KRT73: variants seen among roughly 807,000 people sequenced by gnomAD.
The protein encoded by KRT73 is keratin 73.
Under a neutral mutation model 47.2 loss-of-function variants are expected in KRT73, and 44 were observed. The observed-to-expected ratio is 0.93, with a 90% CI of 0.73 to 1.20. The LOEUF is 1.20. Ranked by LOEUF, KRT73 falls within the 50% of genes most tolerant of loss-of-function variation. The pLI, the probability that KRT73 is intolerant of heterozygous loss-of-function variation, is 0.00. For missense variants in KRT73, 713 were observed against 704.5 expected (o/e 1.01, Z -0.14); for synonymous variants, 285 against 291.3 (o/e 0.98, Z 0.22).
In KRT73 at chr12:52,617,148, G is replaced by A. The variant is rs988108797; in HGVS notation, c.448-768C>T. ...CCAGACAAGTTCTACCATGCTGCAC[G>A]TGCTGTCTCCCTAGATTGCCTTTTC... On this transcript the variant is annotated intron_variant, in intron 1 of 8. Transcript: ENST00000305748. Among the ~76,000 whole-genome samples, 7 of 152,184 alleles carry A rather than the reference G, an allele frequency of 4.6e-5. No individual in the cohort carries two copies. In the South Asian group the frequency reaches 6.2e-4, roughly 14 times the overall value.
Position 52,608,137 on chromosome 12 carries a change from A to G in KRT73, c.*59T>C, listed in dbSNP as rs1274444761. ...ATGAGACAGAGGAATTTCCTAGAAG[A>G]GTCCGGAGCAGTCTGCCAGGGCAAG... On this transcript the variant is annotated 3_prime_UTR_variant, in exon 9 of 9. Transcript: ENST00000305748. The G allele has an allele frequency of 5.9e-6, 9 of 1,524,272 alleles. No homozygotes were observed. Among genetic ancestry groups the G allele is most frequent in the Non-Finnish European group, 7.1e-6 (8 of 1,129,618 alleles). The allele number at this position is 1,524,272 out of a possible 1,614,324, so 94.4% of individuals were successfully genotyped here.
At chr12:52,619,428 A>C (rs1031704045), upstream of KRT73, among the ~76,000 whole-genome samples, 1 of 152,196 alleles carries the variant, frequency 6.6e-6, no homozygotes, top group Non-Finnish European at 1.5e-5. Flanking sequence ...TTTAGCAAAC[A>C]TTTAGTGAGT....
chr12:52,614,294 A>G, intron 4 of KRT73: 1 of 396,508 alleles, frequency 2.5e-6, no homozygotes, highest in East Asian at 4.5e-5. Context: ...CCAGCCACAG[A>G]GAGAAGAGAA....
At chr12:52,630,287 G>T in the KRT73 span, among the ~76,000 whole-genome samples, 2 of 152,212 alleles carry the variant, frequency 1.3e-5, no homozygotes, top group Non-Finnish European at 2.9e-5. Context: ...AGTGCAGTGA[G>T]GACCCTTGCC....
Position 52,618,299 on chromosome 12 carries a change from C to G in KRT73, c.226G>C (p.Gly76Arg). The G allele has an allele frequency of 6.2e-7, 1 of 1,614,234 alleles. No individual in the cohort carries two copies. Among genetic ancestry groups the G allele is most frequent in the Non-Finnish European group, 8.5e-7 (1 of 1,180,040 alleles). Residue 76 changes from glycine to arginine, a missense_variant, in exon 1 of 9, where the codon GGC (glycine) becomes CGC (arginine). Gly to Arg is a moderately radical substitution (Grantham distance 125). Transcript: ENST00000305748. ...CTGCCAGCAAAGCCACTGGCCCGGC[C>G]CCGGCCAAATCCATAGCCTCCTGCC... ...GWAGGYGFGR[G>R]RASGFAGSMF...
chr12:52,622,431 T>C (rs1177880783), upstream of KRT73, among the ~76,000 whole-genome samples: 1 of 152,152 alleles, frequency 6.6e-6, no homozygotes. Context: ...CTCCTCCCCA[T>C]ATATGCCTAC....
rs540246156 is a variant in KRT73, at chr12:52,611,002, A to G, written c.1111-167T>C. On this transcript the variant is annotated intron_variant, in intron 6 of 8. Transcript: ENST00000305748. ...TCAACCTGAGACTGAGAGGCTTGCT[A>G]CGCTGGGCCCCACAGCTTTATGAAA... The G allele has an allele frequency of 7.4e-4, 655 of 890,356 alleles. 9 individuals are homozygous for G. In the South Asian group the frequency reaches 7.7e-3, roughly 10 times the overall value. The allele number at this position is 890,356 out of a possible 1,614,324, so 55.2% of individuals were successfully genotyped here.
Position 52,610,790 on chromosome 12 carries a change from C to T in KRT73, c.1156G>A (p.Asp386Asn), listed in dbSNP as rs761352447. 6 of 1,613,202 alleles carry T rather than the reference C, an allele frequency of 3.7e-6. No individual in the cohort carries two copies. Among genetic ancestry groups the T allele is most frequent in the African/African-American group, 2.7e-5 (2 of 74,856 alleles). The change falls in exon 7 of 9, where the codon GAC becomes AAC. Residue 386 changes from aspartate (D) to asparagine (N), a missense_variant. Coordinates refer to ENST00000305748, the MANE Select transcript of KRT73 (RefSeq NM_175068.3). Reference protein sequence around the residue: ...TAIADAEQRGDCALKDARAKL... With the variant: ...TAIADAEQRGNCALKDARAKL... ...GCCCTGGCATCCTTGAGGGCACAGTCCCCCCGCTGCTCGGCGTCAGCGATG... is the reference window on the plus strand; with the variant it reads ...GCCCTGGCATCCTTGAGGGCACAGTTCCCCCGCTGCTCGGCGTCAGCGATG...
At chr12:52,616,142 A>C (rs1256197443) in intron 2 of KRT73, 24 bp downstream of exon 2, 2 of 1,613,270 alleles carry the variant, frequency 1.2e-6, no homozygotes, top group Admixed American at 3.3e-5. Flanking sequence ...GAGGCAGACC[A>C]GCCTGGAGTG....
intron 1 of KRT73, among the ~76,000 whole-genome samples, 164 bp from the exon 2 acceptor site, chr12:52,616,544 G>T (rs1940818300): frequency 6.6e-6 from 1 of 152,134 alleles, no homozygotes; most frequent in Non-Finnish European, 1.5e-5. Context: ...CTTACCTAGG[G>T]TCCTTTATCT....
At position 52,608,520 on chromosome 12, in the gene KRT73, C is replaced by T. The variant is rs1429593818; in HGVS notation, c.1367-68G>A. 5 of 1,388,850 alleles carry T rather than the reference C, an allele frequency of 3.6e-6. No individual in the cohort carries two copies. The South Asian group carries it at 7.2e-5, about 20-fold the overall frequency. The allele number at this position is 1,388,850 out of a possible 1,614,324, so 86.0% of individuals were successfully genotyped here. The stretch of plus-strand genomic sequence containing the variant: ...ACAGAGGTGGCCTTAAGTCCCCCTC[C>T]AACCTCCCAGCCCCACTAGCTTAAA... On this transcript the variant is annotated intron_variant, in intron 8 of 8. Transcript: ENST00000305748.
chr12:52,619,747 A>G (rs1231518115), upstream of KRT73, among the ~76,000 whole-genome samples: 4 of 152,182 alleles, frequency 2.6e-5, no homozygotes, highest in African/African-American at 7.2e-5. Flanking sequence ...AGACATTTGA[A>G]TTTCATGGAT....
chr12:52,621,290 AGGG>A (rs11302494), upstream of KRT73, among the ~76,000 whole-genome samples: 23 of 105,380 alleles, frequency 2.2e-4, no homozygotes, highest in Non-Finnish European at 3.6e-4. Flanking sequence ...AGAGAAAGAA[AGGG>A]GGGGGGGGGG....
At chr12:52,626,291 A>G in the KRT73 span, among the ~76,000 whole-genome samples, 1 of 152,374 alleles carries the variant, frequency 6.6e-6, no homozygotes, top group East Asian at 1.9e-4. Context: ...GCACAAGGTC[A>G]CATAGCTAGA....
intron 1 of KRT73, among the ~76,000 whole-genome samples, chr12:52,617,022 C>T (rs1401590361): frequency 2.0e-5 from 3 of 152,170 alleles, no homozygotes; most frequent in Non-Finnish European, 4.4e-5. Context: ...CCCTCAGGGT[C>T]AAGTCCATAT....
At chr12:52,628,371 C>A in the KRT73 span, among the ~76,000 whole-genome samples, 1 of 149,348 alleles carries the variant, frequency 6.7e-6, no homozygotes, top group Middle Eastern at 3.5e-3. Context: ...CACTTTCACC[C>A]TCCCAGTCCC....
chr12:52,615,565 C>T (rs1324307216), intron 2 of KRT73, among the ~76,000 whole-genome samples: 1 of 152,150 alleles, frequency 6.6e-6, no homozygotes, highest in Non-Finnish European at 1.5e-5. Flanking sequence ...CTGATTTCCT[C>T]TGATGCCTGG....
intron 3 of KRT73, 125 bp from the exon 4 acceptor site, chr12:52,614,799 A>G: frequency 4.2e-6 from 3 of 716,980 alleles, no homozygotes; most frequent in Non-Finnish European, 6.8e-6. Context: ...AAGGGGCAGG[A>G]ACCGGCCTTC....
At chr12:52,624,410 G>C in the KRT73 span, among the ~76,000 whole-genome samples, 1 of 151,932 alleles carries the variant, frequency 6.6e-6, no homozygotes, top group Non-Finnish European at 1.5e-5. Flanking sequence ...CAACCAACAG[G>C]ATCTAATTGA....
Sources: allele counts gnomAD v4.1 joint callset (sites outside exome capture counted in the v4.1 genomes callset), GRCh38; gene constraint gnomAD v4.1.1; transcripts MANE v1.5; gene names NCBI Gene and HGNC (gene_info 2026-07-23, HGNC 2026-07-21).